Variants in KLF12 observed in about 807,000 individuals in gnomAD.
KLF12 encodes the protein KLF transcription factor 12.
KLF12 carries 9 observed loss-of-function variants against 37.8 expected under a neutral mutation model. That is an observed-to-expected ratio of 0.24 (90% CI 0.14 to 0.42). The LOEUF is 0.42. KLF12 is among the 10% of genes least tolerant of loss of function. The pLI, the probability that KLF12 is intolerant of heterozygous loss-of-function variation, is 1.00. For missense variants in KLF12, 411 were observed against 516.0 expected, an observed-to-expected ratio of 0.80 and a Z score of 1.97; for synonymous variants, 208 against 202.1, an observed-to-expected ratio of 1.03 and a Z score of -0.25.
chr13:73,953,532 T>A (rs1011794633), intron 2 of KLF12, among the ~76,000 whole-genome samples: 2 of 152,212 alleles, frequency 1.3e-5, no homozygotes, highest in South Asian at 4.1e-4. Flanking sequence ...AAAAAAACAT[T>A]CACAACACTG....
intron 1 of KLF12, among the ~76,000 whole-genome samples, chr13:74,077,868 T>C (rs1468580005): frequency 2.0e-5 from 3 of 152,332 alleles, no homozygotes; most frequent in Non-Finnish European, 4.4e-5. Flanking sequence ...TTCTTGTCTA[T>C]GTATTTTCTC....
rs185417680 is a variant in KLF12, at chr13:73,860,202, G to A, written c.124-13829C>T. Among the ~76,000 whole-genome samples the A allele has an allele frequency of 4.6e-5, 7 of 152,260 alleles. No homozygotes were observed. The East Asian group carries it at 1.2e-3, about 25-fold the overall frequency. On this transcript the variant is annotated intron_variant, in intron 3 of 7. Coordinates refer to ENST00000377669, the MANE Select transcript of KLF12 (RefSeq NM_007249.5). ...GTTCAGGTGTCTGTTATCTCCTCCA[G>A]CTGTACCAGATTCCACCTGTTCTAA...
At chr13:73,746,809 CCTTT>C (rs1172393038) in intron 6 of KLF12, among the ~76,000 whole-genome samples, 1 of 119,184 alleles carries the variant, frequency 8.4e-6, no homozygotes, top group Non-Finnish European at 1.7e-5. Context: ...CTCCCTCCCT[CCTTT>C]TTTTTTTTTT....
At chr13:74,214,230 A>T in the KLF12 span, among the ~76,000 whole-genome samples, 1 of 152,148 alleles carries the variant, frequency 6.6e-6, no homozygotes, top group Non-Finnish European at 1.5e-5. Context: ...CTGATGTTTT[A>T]TCAATTCTGC....
chr13:74,161,790 C>T, the KLF12 span, among the ~76,000 whole-genome samples: 1 of 152,016 alleles, frequency 6.6e-6, no homozygotes, highest in Non-Finnish European at 1.5e-5. Flanking sequence ...ATTTTCATTC[C>T]GCCTCAATTC....
At chr13:74,220,364 CTTAA>C in the KLF12 span, among the ~76,000 whole-genome samples, 4 of 151,998 alleles carry the variant, frequency 2.6e-5, no homozygotes, top group South Asian at 2.1e-4. Context: ...GAGTCTTTGT[CTTAA>C]TTAATTAATT....
chr13:74,210,097 A>G, the KLF12 span, among the ~76,000 whole-genome samples: 1 of 152,154 alleles, frequency 6.6e-6, no homozygotes, highest in Non-Finnish European at 1.5e-5. Flanking sequence ...TACCTGGCAA[A>G]ACTCAAAACA....
the KLF12 span, among the ~76,000 whole-genome samples, chr13:74,156,567 ATTCT>A: frequency 0.18 from 26,927 of 151,302 alleles, 2,825 homozygotes; most frequent in African/African-American, 0.29. Flanking sequence ...GATCTTATTC[ATTCT>A]TTCTATTTCT....
intron 2 of KLF12, among the ~76,000 whole-genome samples, chr13:73,946,463 T>A (rs905739073): frequency 6.6e-6 from 1 of 152,238 alleles, no homozygotes; most frequent in Non-Finnish European, 1.5e-5. Flanking sequence ...GGGTCTGTGT[T>A]CCACTTAACA....
the KLF12 span, among the ~76,000 whole-genome samples, chr13:74,212,838 CAT>C: frequency 1.2e-3 from 180 of 152,020 alleles, 1 homozygote; most frequent in African/African-American, 4.1e-3. Flanking sequence ...GTAATTTAAA[CAT>C]AAATTATGTG....
chr13:73,878,641 T>A (rs1391064961), intron 3 of KLF12, among the ~76,000 whole-genome samples: 1 of 152,118 alleles, frequency 6.6e-6, no homozygotes, highest in Non-Finnish European at 1.5e-5. Flanking sequence ...AAAAAGAGAT[T>A]TTTCTAACAA....
chr13:74,160,785 G>C, the KLF12 span, among the ~76,000 whole-genome samples: 1 of 152,228 alleles, frequency 6.6e-6, no homozygotes, highest in Admixed American at 6.5e-5. Context: ...AGCTGACCCA[G>C]AGTACTTCAA....
At chr13:74,054,423 A>C (rs995655844) in intron 1 of KLF12, among the ~76,000 whole-genome samples, 1 of 152,218 alleles carries the variant, frequency 6.6e-6, no homozygotes, top group Non-Finnish European at 1.5e-5. Flanking sequence ...TCAGCTCACC[A>C]TGACCTGTAT....
At chr13:73,811,722 C>T (rs1427478468) in intron 5 of KLF12, among the ~76,000 whole-genome samples, 3 of 152,206 alleles carry the variant, frequency 2.0e-5, no homozygotes, top group East Asian at 3.9e-4. Context: ...TAAGAGCTTG[C>T]ATGGAAATTT....
At chr13:73,794,230 G>A (rs1881839995) in intron 5 of KLF12, among the ~76,000 whole-genome samples, 1 of 152,244 alleles carries the variant, frequency 6.6e-6, no homozygotes, top group Non-Finnish European at 1.5e-5. Context: ...GGAGGCCGAG[G>A]CAGGCGGATC....
chr13:74,122,828 T>G (rs775976885), intron 1 of KLF12, among the ~76,000 whole-genome samples: 9 of 152,024 alleles, frequency 5.9e-5, no homozygotes, highest in Non-Finnish European at 1.0e-4. Flanking sequence ...TGTGTATGTG[T>G]TCCTAACGCT....
the KLF12 span, among the ~76,000 whole-genome samples, chr13:74,150,830 GA>G: frequency 6.6e-6 from 1 of 152,206 alleles, no homozygotes; most frequent in Non-Finnish European, 1.5e-5. Context: ...CTAGATAAAG[GA>G]AAGACTCATG....
the KLF12 span, among the ~76,000 whole-genome samples, chr13:74,154,330 C>T: frequency 9.2e-5 from 14 of 152,110 alleles, no homozygotes; most frequent in Non-Finnish European, 1.6e-4. Context: ...AAATATTATC[C>T]TCCTTTTATC....
the KLF12 span, among the ~76,000 whole-genome samples, chr13:74,199,116 A>G: frequency 0.85 from 129,528 of 152,196 alleles, 55,665 homozygotes; most frequent in East Asian, 1. Flanking sequence ...GGCAGTTAGG[A>G]TATTCCTGCA....
Sources: allele counts gnomAD v4.1 joint callset (sites outside exome capture counted in the v4.1 genomes callset), GRCh38; gene constraint gnomAD v4.1.1; transcripts MANE v1.5; gene names NCBI Gene and HGNC (gene_info 2026-07-23, HGNC 2026-07-21).